The following ROBO1 variants were observed in gnomAD, a reference collection of about 807,000 sequenced individuals.
ROBO1 encodes the protein roundabout guidance receptor 1.
A neutral mutation model predicts 195.9 loss-of-function variants in ROBO1; 149 were observed. The observed-to-expected ratio is 0.76, with a 90% CI of 0.67 to 0.87. ROBO1 has a LOEUF of 0.87. Among genes scored for constraint, ROBO1 ranks in the 40% least tolerant of loss-of-function variants. The probability of loss-of-function intolerance (pLI) is 0.00; values close to 1 mark genes in which losing one functional copy is unlikely to be tolerated. For synonymous variants in ROBO1, 816 were observed against 733.2 expected (o/e 1.11, Z -1.82); for missense variants, 1,933 against 2,068.3 (o/e 0.93, Z 1.27).
At chr3:79,635,518 T>C (rs2108044737) in intron 1 of ROBO1, among the ~76,000 whole-genome samples, 1 of 152,312 alleles carries the variant, frequency 6.6e-6, no homozygotes, top group South Asian at 2.1e-4. Context: ...TTGAACACCA[T>C]CTTGACTAAC....
chr3:78,804,727 A>C (rs1377125223), intron 4 of ROBO1, among the ~76,000 whole-genome samples: 5 of 47,240 alleles, frequency 1.1e-4, no homozygotes, highest in Non-Finnish European at 2.4e-4. Flanking sequence ...TCACTGGAGC[A>C]AAGGCAAAAA....
chr3:79,425,457 TAGA>T (rs2038406900), intron 2 of ROBO1, among the ~76,000 whole-genome samples: 1 of 152,134 alleles, frequency 6.6e-6, no homozygotes, highest in African/African-American at 2.4e-5. Context: ...CTACTGGATT[TAGA>T]AGGTCTTTTT....
At chr3:78,881,776 T>C (rs2036197629) in intron 4 of ROBO1, among the ~76,000 whole-genome samples, 1 of 152,200 alleles carries the variant, frequency 6.6e-6, no homozygotes, top group African/African-American at 2.4e-5. Context: ...TTTCCAGTTG[T>C]TTCACTAGAA....
At chr3:78,863,814 G>A (rs2034998255) in intron 4 of ROBO1, among the ~76,000 whole-genome samples, 3 of 152,192 alleles carry the variant, frequency 2.0e-5, no homozygotes, top group Admixed American at 2.0e-4. Context: ...AGTTAGGGAT[G>A]GGAGAGTCCC....
At chr3:79,051,590 C>T (rs192750883) in intron 3 of ROBO1, among the ~76,000 whole-genome samples, 1 of 152,052 alleles carries the variant, frequency 6.6e-6, no homozygotes, top group Non-Finnish European at 1.5e-5. Context: ...CAAAGCCTGG[C>T]AGAGACACAA....
Position 79,515,676 on chromosome 3 carries a change from C to T in ROBO1, c.88+74148G>A, listed in dbSNP as rs1341114713. 2.6e-5 allele frequency among the ~76,000 whole-genome samples: 4 copies of T among 152,176 alleles called. No homozygotes were observed. The East Asian group carries it at 5.8e-4, about 22-fold the overall frequency. ...AATTTATATGTTCAAAACACTATAT[C>T]CAAGTATTTGTCCTATTCAATATTG... On this transcript the variant is annotated intron_variant, in intron 2 of 30. Coordinates refer to ENST00000464233, the MANE Select transcript of ROBO1 (RefSeq NM_002941.4).
At chr3:79,244,935 C>A (rs923472788) in intron 2 of ROBO1, among the ~76,000 whole-genome samples, 1 of 152,068 alleles carries the variant, frequency 6.6e-6, no homozygotes, top group Admixed American at 6.6e-5. Context: ...ACAGCTCTAA[C>A]AGCCTGGTTA....
At chr3:79,308,437 A>G (rs539168680) in intron 2 of ROBO1, among the ~76,000 whole-genome samples, 6 of 152,226 alleles carry the variant, frequency 3.9e-5, no homozygotes, top group Non-Finnish European at 7.3e-5. Flanking sequence ...AACAGCCACC[A>G]GAAGACTTTC....
intron 1 of ROBO1, among the ~76,000 whole-genome samples, chr3:79,624,312 G>C (rs1945099744): frequency 6.6e-6 from 1 of 151,994 alleles, no homozygotes; most frequent in Non-Finnish European, 1.5e-5. Context: ...TAATCAAATA[G>C]CAGAATGATG....
intron 8 of ROBO1, among the ~76,000 whole-genome samples, chr3:78,714,137 C>T (rs901060056): frequency 9.2e-5 from 14 of 152,106 alleles, no homozygotes; most frequent in African/African-American, 2.7e-4. Context: ...TCTACTTGAC[C>T]AAGATAGTTT....
At chr3:79,098,100 G>T (rs991823046) in intron 3 of ROBO1, among the ~76,000 whole-genome samples, 2 of 151,718 alleles carry the variant, frequency 1.3e-5, no homozygotes, top group African/African-American at 4.8e-5. Context: ...AACCAAAAAA[G>T]AATGCCTGTT....
chr3:79,128,091 C>A (rs776944997), intron 2 of ROBO1, among the ~76,000 whole-genome samples: 1 of 152,080 alleles, frequency 6.6e-6, no homozygotes, highest in Non-Finnish European at 1.5e-5. Flanking sequence ...TAAGACCAGT[C>A]CAAAGACATT....
At chr3:79,184,443 T>G (rs1303719160) in intron 2 of ROBO1, among the ~76,000 whole-genome samples, 1 of 152,072 alleles carries the variant, frequency 6.6e-6, no homozygotes, top group East Asian at 1.9e-4. Flanking sequence ...ATTCTGAGAA[T>G]TTTATAGGGA....
chr3:79,172,805 G>A (rs995199595), intron 2 of ROBO1, among the ~76,000 whole-genome samples: 1 of 151,920 alleles, frequency 6.6e-6, no homozygotes, highest in African/African-American at 2.4e-5. Flanking sequence ...TACGACATTT[G>A]TTCTTTTAGT....
chr3:79,541,763 G>GTA (rs1244725848), intron 2 of ROBO1, among the ~76,000 whole-genome samples: 1 of 150,048 alleles, frequency 6.7e-6, no homozygotes, highest in Non-Finnish European at 1.5e-5. Context: ...ATATGTGTGT[G>GTA]TGTCTATATA....
chr3:79,680,847 G>T (rs567121157), intron 1 of ROBO1, among the ~76,000 whole-genome samples: 1 of 152,070 alleles, frequency 6.6e-6, no homozygotes, highest in Non-Finnish European at 1.5e-5. Context: ...AGGAGGTGGG[G>T]GGTCAAAGAA....
intron 2 of ROBO1, among the ~76,000 whole-genome samples, chr3:79,338,154 T>G (rs2034755236): frequency 6.6e-6 from 1 of 152,218 alleles, no homozygotes; most frequent in African/African-American, 2.4e-5. Flanking sequence ...TTGCTTGCTG[T>G]TGTTTATTGT....
chr3:79,273,874 T>C (rs1288002371), intron 2 of ROBO1, among the ~76,000 whole-genome samples: 1 of 151,914 alleles, frequency 6.6e-6, no homozygotes, highest in East Asian at 1.9e-4. Flanking sequence ...AAAACTATAA[T>C]GCTAACTATA....
At chr3:79,746,822 T>C (rs992995608) in intron 1 of ROBO1, among the ~76,000 whole-genome samples, 1 of 152,102 alleles carries the variant, frequency 6.6e-6, no homozygotes, top group Non-Finnish European at 1.5e-5. Context: ...CATTTGTTGC[T>C]GTGATAGCTT....
Sources: gnomAD v4.1 joint callset for allele counts (sites outside exome capture counted in the v4.1 genomes callset) on GRCh38, gnomAD v4.1.1 for gene constraint, MANE v1.5 for transcripts, NCBI Gene and HGNC (gene_info 2026-07-23, HGNC 2026-07-21) for gene names.